ADRA1B: variants seen among roughly 807,000 people sequenced by gnomAD.
ADRA1B encodes the protein adrenoceptor alpha 1B, also known as alpha-1B adrenergic receptor.
Under a neutral mutation model 17.9 loss-of-function variants are expected in ADRA1B, and 17 were observed. The observed-to-expected ratio is 0.95, with a 90% CI of 0.65 to 1.42. The LOEUF (loss-of-function observed/expected upper bound fraction) is 1.42, where lower values mean the gene tolerates loss of function less well. Ranked by LOEUF, ADRA1B falls within the 40% of genes most tolerant of loss-of-function variation. The pLI is 0.00. For synonymous variants in ADRA1B, 366 were observed against 327.6 expected (o/e 1.12, Z -1.27); for missense variants, 681 against 722.1 (o/e 0.94, Z 0.65).
In ADRA1B at chr5:159,935,325, T is replaced by G. The variant is rs143182975; in HGVS notation, c.949+17471T>G. Among the ~76,000 whole-genome samples, 466 of 152,318 alleles carry G rather than the reference T, an allele frequency of 3.1e-3. 3 individuals are homozygous for G. The highest frequency in any genetic ancestry group is 0.011 in the African/African-American group (455 of 41,564). On this transcript the variant is annotated intron_variant, in intron 1 of 1. Transcript: ENST00000306675. Reference sequence around the variant, plus strand: ...TTTAAAATTGTTTCAATATTTAGATTTGTGATATTTCAGTCATTCCAAAAA... The same window carrying G: ...TTTAAAATTGTTTCAATATTTAGATGTGTGATATTTCAGTCATTCCAAAAA...
chr5:159,906,769 G>A (rs903088671), intron 1 of ADRA1B, among the ~76,000 whole-genome samples: 3 of 152,156 alleles, frequency 2.0e-5, no homozygotes, highest in Non-Finnish European at 4.4e-5. Context: ...GGCAACAAAG[G>A]GCCAAACTTT....
chr5:159,883,158 TTC>T (rs1753882098), intron 1 of ADRA1B, among the ~76,000 whole-genome samples: 2 of 152,310 alleles, frequency 1.3e-5, no homozygotes, highest in Admixed American at 1.3e-4. Flanking sequence ...CCCTTGCTCC[TTC>T]TCTTTTTCCC....
At chr5:159,980,934 T>TA in the ADRA1B span, among the ~76,000 whole-genome samples, 11,237 of 151,626 alleles carry the variant, frequency 0.074, 464 homozygotes, top group Middle Eastern at 0.15. Flanking sequence ...GACCTCACAA[T>TA]AAAAAAAACC....
the ADRA1B span, among the ~76,000 whole-genome samples, chr5:159,981,519 G>T: frequency 6.6e-6 from 1 of 152,120 alleles, no homozygotes; most frequent in African/African-American, 2.4e-5. Flanking sequence ...GTTTTAAGAT[G>T]GAATCTCACT....
At chr5:159,957,986 C>A (rs992279337) in intron 1 of ADRA1B, among the ~76,000 whole-genome samples, 4 of 147,440 alleles carry the variant, frequency 2.7e-5, no homozygotes, top group African/African-American at 1.0e-4. Flanking sequence ...AAATATCATT[C>A]TTTTACTGTC....
At chr5:159,988,952 A>T in the ADRA1B span, among the ~76,000 whole-genome samples, 58 of 152,354 alleles carry the variant, frequency 3.8e-4, no homozygotes, top group African/African-American at 1.3e-3. Context: ...GGCTATTGTG[A>T]ATAATGCTGC....
intron 1 of ADRA1B, 24 bp from the exon 2 acceptor site, chr5:159,971,855 T>TGGG: frequency 6.9e-6 from 3 of 435,030 alleles, no homozygotes; most frequent in Non-Finnish European, 1.1e-5. Flanking sequence ...TTTCTGCCCG[T>TGGG]GCCCACCCCC....
At chr5:159,985,445 T>TTGAA in the ADRA1B span, among the ~76,000 whole-genome samples, 1 of 152,200 alleles carries the variant, frequency 6.6e-6, no homozygotes, top group Non-Finnish European at 1.5e-5. Flanking sequence ...TAAATACTTA[T>TTGAA]TGAATGAATG....
At chr5:159,965,719 C>A (rs546408364) in intron 1 of ADRA1B, among the ~76,000 whole-genome samples, 1 of 152,164 alleles carries the variant, frequency 6.6e-6, no homozygotes, top group Non-Finnish European at 1.5e-5. Flanking sequence ...GGCAGCCTGG[C>A]GGTCCAGTCC....
At chr5:159,896,793 A>G (rs982025011) in intron 1 of ADRA1B, among the ~76,000 whole-genome samples, 5 of 152,184 alleles carry the variant, frequency 3.3e-5, no homozygotes, top group Admixed American at 2.6e-4. Flanking sequence ...GCACAGGGGG[A>G]AAACAAATCC....
At chr5:159,956,024 C>T (rs1223401499) in intron 1 of ADRA1B, among the ~76,000 whole-genome samples, 4 of 152,218 alleles carry the variant, frequency 2.6e-5, no homozygotes, top group Non-Finnish European at 2.9e-5. Flanking sequence ...AGGAGGATCA[C>T]TTGAGCCCAA....
chr5:159,879,619 G>T (rs1417566321), intron 1 of ADRA1B, among the ~76,000 whole-genome samples: 2 of 152,132 alleles, frequency 1.3e-5, no homozygotes, highest in East Asian at 3.8e-4. Context: ...TGTGTGCATT[G>T]TCTTAGTTGC....
intron 1 of ADRA1B, among the ~76,000 whole-genome samples, chr5:159,904,428 G>A (rs903566141): frequency 3.9e-5 from 6 of 152,226 alleles, no homozygotes; most frequent in South Asian, 4.1e-4. Flanking sequence ...GAAAGTAGTT[G>A]TTCCCAAAAA....
At chr5:159,957,929 C>CAAAAA (rs35956137) in intron 1 of ADRA1B, among the ~76,000 whole-genome samples, 1,015 of 64,880 alleles carry the variant, frequency 0.016, no homozygotes, top group Non-Finnish European at 0.018. Flanking sequence ...AACCCCATCT[C>CAAAAA]AAAAAAAAAA....
At chr5:159,979,670 C>A in the ADRA1B span, among the ~76,000 whole-genome samples, 1 of 152,050 alleles carries the variant, frequency 6.6e-6, no homozygotes, top group Non-Finnish European at 1.5e-5. Context: ...GAGTTCGAGA[C>A]CAGACTGGCC....
chr5:159,907,957 A>T (rs1418138921), intron 1 of ADRA1B, among the ~76,000 whole-genome samples: 1 of 145,306 alleles, frequency 6.9e-6, no homozygotes, highest in Non-Finnish European at 1.5e-5. Flanking sequence ...TCTCTCTGTC[A>T]CACACACACA....
chr5:159,943,164 A>G (rs1755179745), intron 1 of ADRA1B, among the ~76,000 whole-genome samples: 1 of 151,814 alleles, frequency 6.6e-6, no homozygotes, highest in Non-Finnish European at 1.5e-5. Flanking sequence ...GTGAGGCGAG[A>G]TTGCGCCACT....
At chr5:159,981,104 T>G in the ADRA1B span, among the ~76,000 whole-genome samples, 1 of 152,164 alleles carries the variant, frequency 6.6e-6, no homozygotes, top group Non-Finnish European at 1.5e-5. Flanking sequence ...ACCCACAGGA[T>G]GAAATACATT....
At chr5:159,959,377 G>A (rs532732588) in intron 1 of ADRA1B, among the ~76,000 whole-genome samples, 36 of 152,350 alleles carry the variant, frequency 2.4e-4, no homozygotes, top group African/African-American at 8.2e-4. Context: ...TGAAAAGGAC[G>A]TTATGTGCTC....
Sources: allele counts gnomAD v4.1 joint callset (sites outside exome capture counted in the v4.1 genomes callset), GRCh38; gene constraint gnomAD v4.1.1; transcripts MANE v1.5; gene names NCBI Gene and HGNC (gene_info 2026-07-23, HGNC 2026-07-21).